The following TMEM45B variants were observed in gnomAD, a reference collection of about 807,000 sequenced individuals.
TMEM45B encodes the protein transmembrane protein 45B.
A neutral mutation model predicts 27.3 loss-of-function variants in TMEM45B; 29 were observed. The observed-to-expected ratio is 1.06, with a 90% CI of 0.79 to 1.45. The LOEUF (loss-of-function observed/expected upper bound fraction) is 1.45. Among genes scored for constraint, TMEM45B ranks in the 40% most tolerant of loss-of-function variants. The pLI is 0.00. For synonymous variants in TMEM45B, 143 were observed against 134.7 expected (o/e 1.06, Z -0.43); for missense variants, 348 against 343.9 (o/e 1.01, Z -0.09).
intron 1 of TMEM45B, among the ~76,000 whole-genome samples, chr11:129,847,959 G>C (rs1947787443): frequency 6.6e-6 from 1 of 152,108 alleles, no homozygotes; most frequent in Non-Finnish European, 1.5e-5. Flanking sequence ...TCCCAGTAGG[G>C]GCGGCCGGGC....
intron 2 of TMEM45B, among the ~76,000 whole-genome samples, chr11:129,854,188 T>C (rs997469247): frequency 3.3e-5 from 5 of 152,200 alleles, no homozygotes; most frequent in Non-Finnish European, 7.3e-5. Context: ...TCTGCTCAGA[T>C]TCTGCTTTCA....
chr11:129,820,458 T>C (rs921240390), intron 1 of TMEM45B, among the ~76,000 whole-genome samples: 4 of 152,220 alleles, frequency 2.6e-5, no homozygotes, highest in African/African-American at 7.2e-5. Context: ...GTTATTTGTT[T>C]TGGTTTTTTG....
chr11:129,819,076 TCTAA>T (rs576872683), intron 1 of TMEM45B, among the ~76,000 whole-genome samples: 22 of 152,338 alleles, frequency 1.4e-4, no homozygotes, highest in African/African-American at 2.2e-4. Flanking sequence ...GACCTTCTGT[TCTAA>T]CTGTTATTAT....
chr11:129,828,759 A>G (rs1436282176), intron 1 of TMEM45B, among the ~76,000 whole-genome samples: 2 of 152,212 alleles, frequency 1.3e-5, no homozygotes, highest in African/African-American at 4.8e-5. Context: ...TGATCACCCT[A>G]TAACCTACTT....
intron 1 of TMEM45B, 48 bp from the exon 2 acceptor site, chr11:129,852,427 G>A (rs1435602235): frequency 6.6e-7 from 1 of 1,521,744 alleles, no homozygotes; most frequent in Non-Finnish European, 9.0e-7. Context: ...ATATACATTT[G>A]TTTGCTTGCT....
At chr11:129,838,809 TC>T (rs1206761545) in intron 1 of TMEM45B, among the ~76,000 whole-genome samples, 1 of 152,166 alleles carries the variant, frequency 6.6e-6, no homozygotes, top group African/African-American at 2.4e-5. Context: ...AAAACAAAAT[TC>T]ACTTTCCCCC....
At chr11:129,858,023 CT>C (rs1947954770) in intron 5 of TMEM45B, among the ~76,000 whole-genome samples, 1 of 152,126 alleles carries the variant, frequency 6.6e-6, no homozygotes, top group Non-Finnish European at 1.5e-5. Flanking sequence ...GAAGTATGCA[CT>C]GTTATTTTTT....
intron 2 of TMEM45B, among the ~76,000 whole-genome samples, chr11:129,853,233 G>A (rs996642887): frequency 2.0e-5 from 3 of 152,296 alleles, no homozygotes; most frequent in Admixed American, 1.3e-4. Context: ...CACTCCCACT[G>A]TTTCCTTCGC....
At chr11:129,828,789 G>A (rs532114112) in intron 1 of TMEM45B, among the ~76,000 whole-genome samples, 8 of 152,212 alleles carry the variant, frequency 5.3e-5, no homozygotes, top group South Asian at 4.2e-4. Flanking sequence ...CCAAACACAC[G>A]TCTCATTCCC....
At position 129,856,453 on chromosome 11, in the gene TMEM45B, C is replaced by T. The variant is rs1018419567; in HGVS notation, c.570+561C>T. ...CTCGAACTCCTGAACTCGAGTGATC[C>T]GCCTGCCTCAGCCTCCCAAAGAGCT... On this transcript the variant is annotated intron_variant, in intron 4 of 5. Transcript: ENST00000281441. 2.0e-5 allele frequency among the ~76,000 whole-genome samples: 3 copies of T among 151,836 alleles called. No homozygotes were observed. In the East Asian group the frequency reaches 5.8e-4, roughly 29 times the overall value.
At chr11:129,816,585 G>A (rs1947354179) in intron 1 of TMEM45B, among the ~76,000 whole-genome samples, 1 of 152,146 alleles carries the variant, frequency 6.6e-6, no homozygotes, top group South Asian at 2.1e-4. Flanking sequence ...TCTAGGGCCA[G>A]AGAAACAACC....
At position 129,858,742 on chromosome 11, in the gene TMEM45B, TCCCC is replaced by T; in HGVS notation, c.*58_*61del. On this transcript the variant is annotated 3_prime_UTR_variant, in exon 6 of 6. Coordinates refer to ENST00000281441, the MANE Select transcript of TMEM45B (RefSeq NM_138788.5). Reference sequence around the variant, plus strand: ...GCACAGCTGGAATGAATGGAGTTCATCCCCTCCACCTGAATGCCTGCTGTGGTCT... The same window carrying T: ...GCACAGCTGGAATGAATGGAGTTCATTCCACCTGAATGCCTGCTGTGGTCT... The T allele has an allele frequency of 3.8e-6, 5 of 1,319,358 alleles. No individual in the cohort carries two copies. The highest frequency in any genetic ancestry group is 5.3e-6 in the Non-Finnish European group (5 of 943,636). The allele number at this position is 1,319,358 out of a possible 1,614,324, so 81.7% of individuals were successfully genotyped here. A position where few individuals can be genotyped will look rare whatever the true frequency, so the allele number is the denominator to read the frequency against.
chr11:129,824,647 T>A (rs1291764114), intron 1 of TMEM45B, among the ~76,000 whole-genome samples: 1 of 152,226 alleles, frequency 6.6e-6, no homozygotes. Flanking sequence ...GTTTAAGAAC[T>A]ATTATTATGT....
intron 1 of TMEM45B, among the ~76,000 whole-genome samples, chr11:129,851,543 C>CAAAAAAAAAAAAAAAAAAAA (rs71057982): frequency 2.2e-4 from 12 of 54,948 alleles, no homozygotes; most frequent in African/African-American, 2.8e-4. Flanking sequence ...AACTCTGCCT[C>CAAAAAAAAAAAAAAAAAAAA]AAAAAAAAAA....
At chr11:129,831,427 T>C (rs77268714) in intron 1 of TMEM45B, among the ~76,000 whole-genome samples, 2,779 of 152,276 alleles carry the variant, frequency 0.018, 86 homozygotes, top group African/African-American at 0.063. Flanking sequence ...TGACTAATGG[T>C]TATGCTGGAG....
At chr11:129,825,416 A>G (rs556664382) in intron 1 of TMEM45B, among the ~76,000 whole-genome samples, 1 of 152,304 alleles carries the variant, frequency 6.6e-6, no homozygotes, top group East Asian at 1.9e-4. Context: ...GAAGATGGTG[A>G]GTTCAGTCTT....
At chr11:129,858,383 A>C (rs1375687225) in intron 5 of TMEM45B, among the ~76,000 whole-genome samples, 191 bp from the exon 6 acceptor site, 1 of 152,226 alleles carries the variant, frequency 6.6e-6, no homozygotes, top group Non-Finnish European at 1.5e-5. Flanking sequence ...TATGACATTC[A>C]GTAGTTTCCA....
At chr11:129,848,198 G>A (rs886170208) in intron 1 of TMEM45B, among the ~76,000 whole-genome samples, 8 of 152,090 alleles carry the variant, frequency 5.3e-5, no homozygotes, top group Non-Finnish European at 1.0e-4. Flanking sequence ...CCGAGATCAC[G>A]CCACTGCACT....
chr11:129,827,842 C>G (rs1298346012), intron 1 of TMEM45B, among the ~76,000 whole-genome samples: 1 of 152,048 alleles, frequency 6.6e-6, no homozygotes, highest in Non-Finnish European at 1.5e-5. Context: ...TGGTGGTGCA[C>G]ACCTGTGGTC....
Sources: allele counts gnomAD v4.1 joint callset (sites outside exome capture counted in the v4.1 genomes callset), GRCh38; gene constraint gnomAD v4.1.1; transcripts MANE v1.5; gene names NCBI Gene and HGNC (gene_info 2026-07-23, HGNC 2026-07-21).